UQCC1: variants seen among roughly 807,000 people sequenced by gnomAD.
UQCC1 encodes bFGF-repressed Zic-binding protein.
In UQCC1, 38 loss-of-function variants were observed where a neutral mutation model predicts 48.0. The ratio of observed to expected loss-of-function variants is 0.79; its 90% CI spans 0.61 to 1.04. The LOEUF (loss-of-function observed/expected upper bound fraction) is 1.04, where lower values mean the gene tolerates loss of function less well. Among genes scored for constraint, UQCC1 ranks in the 50% least tolerant of loss-of-function variants. The probability of loss-of-function intolerance (pLI) is 0.00; values close to 1 mark genes in which losing one functional copy is unlikely to be tolerated. For missense variants in UQCC1, 368 were observed against 381.8 expected, an observed-to-expected ratio of 0.96 and a Z score of 0.30; for synonymous variants, 111 against 129.2, an observed-to-expected ratio of 0.86 and a Z score of 0.95.
In UQCC1 at chr20:35,325,773, T is replaced by C. The variant is rs570442867; in HGVS notation, c.574-11008A>G. ...CAGTGGGTATTAAAGGGTCAACAGG[T>C]ATGTTCAGACAGAAAGAATGGTATG... On this transcript the variant is annotated intron_variant, in intron 7 of 9. Coordinates refer to ENST00000374385, the MANE Select transcript of UQCC1 (RefSeq NM_018244.5). Among the ~76,000 whole-genome samples the C allele has an allele frequency of 8.6e-5, 13 of 151,730 alleles. No individual in the cohort carries two copies. The East Asian group carries it at 2.3e-3, about 27-fold the overall frequency.
chr20:35,337,762 C>T (rs1193502298), intron 7 of UQCC1, among the ~76,000 whole-genome samples: 1 of 152,184 alleles, frequency 6.6e-6, no homozygotes, highest in East Asian at 1.9e-4. Flanking sequence ...AACTTCTGAA[C>T]TCAGCAGATT....
At chr20:35,310,415 T>G (rs1208081177) in intron 8 of UQCC1, among the ~76,000 whole-genome samples, 1 of 151,822 alleles carries the variant, frequency 6.6e-6, no homozygotes, top group South Asian at 2.1e-4. Context: ...GAGGCCGAGG[T>G]GGGTGGATCA....
At chr20:35,363,730 AT>A (rs2061634478) in intron 6 of UQCC1, among the ~76,000 whole-genome samples, 1 of 152,068 alleles carries the variant, frequency 6.6e-6, no homozygotes, top group South Asian at 2.1e-4. Flanking sequence ...AGGAGGCATT[AT>A]TTCTACTTTT....
At chr20:35,360,206 G>A (rs1337583318) in intron 6 of UQCC1, among the ~76,000 whole-genome samples, 1 of 152,206 alleles carries the variant, frequency 6.6e-6, no homozygotes, top group Non-Finnish European at 1.5e-5. Flanking sequence ...CTGGCTGGGG[G>A]AGGGCAAAAG....
chr20:35,324,309 A>G (rs1009657835), intron 7 of UQCC1, among the ~76,000 whole-genome samples: 6 of 152,060 alleles, frequency 3.9e-5, no homozygotes, highest in African/African-American at 1.4e-4. Flanking sequence ...GGCACGCACC[A>G]CCACACCCAG....
rs1422969514 is a variant in UQCC1 at position 35,398,345 on chromosome 20, T to C, written c.25-4149A>G. ...TCAAAAATAAAGACAAAATCCCCAC[T>C]TCTCAGGATTTTCTTTAAAATTAAC... On this transcript the variant is annotated intron_variant, in intron 1 of 9. Transcript: ENST00000374385. Among the ~76,000 whole-genome samples, 4 of 152,198 alleles carry C rather than the reference T, an allele frequency of 2.6e-5. No homozygotes were observed. In the East Asian group the frequency reaches 5.8e-4, roughly 22 times the overall value.
intron 2 of UQCC1, chr20:35,386,394 C>T (rs1224793416): frequency 2.7e-5 from 12 of 436,778 alleles, no homozygotes; most frequent in Middle Eastern, 3.7e-4. Flanking sequence ...TTAACCCTAA[C>T]GAAGAAAAAA....
intron 1 of UQCC1, among the ~76,000 whole-genome samples, chr20:35,396,075 C>T (rs563052386): frequency 1.3e-5 from 2 of 149,908 alleles, no homozygotes; most frequent in African/African-American, 2.5e-5. Context: ...ATTTCCACCT[C>T]CTGGGTTCAA....
At chr20:35,399,921 A>T (rs1427713336) in intron 1 of UQCC1, among the ~76,000 whole-genome samples, 1 of 140,016 alleles carries the variant, frequency 7.1e-6, no homozygotes, top group Admixed American at 7.1e-5. Context: ...GGCTCTACTC[A>T]GTCCTTTTTT....
intron 7 of UQCC1, among the ~76,000 whole-genome samples, chr20:35,324,534 G>T (rs1183934011): frequency 6.6e-6 from 1 of 152,140 alleles, no homozygotes; most frequent in Non-Finnish European, 1.5e-5. Flanking sequence ...CACCGTGTTA[G>T]CCAGGATGGT....
chr20:35,339,970 T>C (rs2061359712), intron 7 of UQCC1, among the ~76,000 whole-genome samples: 2 of 152,134 alleles, frequency 1.3e-5, no homozygotes, highest in South Asian at 4.1e-4. Flanking sequence ...TACTTCAATA[T>C]GTATCTGCTA....
intron 6 of UQCC1, among the ~76,000 whole-genome samples, chr20:35,360,837 T>G (rs1343768141): frequency 6.6e-6 from 1 of 152,134 alleles, no homozygotes; most frequent in African/African-American, 2.4e-5. Flanking sequence ...TTTGCTGTGC[T>G]CATATGACAT....
rs142686532 is a variant in UQCC1, at chr20:35,308,741, G to A, written c.652-1962C>T. ...TTGTTTTGTTTTGTTTTGAGATGAA[G>A]TCTCACTCTGTCACCCAGGCTGAAG... is the stretch of plus-strand genomic sequence containing the variant. On this transcript the variant is annotated intron_variant, in intron 8 of 9. Coordinates refer to ENST00000374385, the MANE Select transcript of UQCC1 (RefSeq NM_018244.5). 6.1e-3 allele frequency among the ~76,000 whole-genome samples: 930 copies of A among 152,218 alleles called. 5 individuals carry two copies. The highest frequency in any genetic ancestry group is 0.027 in the Middle Eastern group (8 of 294).
chr20:35,347,033 G>C (rs1386075111), intron 7 of UQCC1, 131 bp downstream of exon 7: 1 of 1,596,574 alleles, frequency 6.3e-7, no homozygotes, highest in Non-Finnish European at 8.5e-7. Context: ...GACTTTAGCG[G>C]AACTGCCACT....
chr20:35,404,213 C>T (rs1256612314), intron 1 of UQCC1, among the ~76,000 whole-genome samples: 1 of 151,936 alleles, frequency 6.6e-6, no homozygotes, highest in Non-Finnish European at 1.5e-5. Context: ...ACTAAAAATA[C>T]AAAAAATTAG....
chr20:35,353,790 TA>T (rs879391502), intron 6 of UQCC1, among the ~76,000 whole-genome samples: 162 of 143,456 alleles, frequency 1.1e-3, no homozygotes, highest in East Asian at 3.6e-3. Flanking sequence ...AGACCCTGTC[TA>T]AAAAAAAAAA....
intron 7 of UQCC1, among the ~76,000 whole-genome samples, chr20:35,326,224 C>T (rs17092560): frequency 0.025 from 3,839 of 152,092 alleles, 166 homozygotes; most frequent in African/African-American, 0.086. Flanking sequence ...GCCAGAGCAA[C>T]GGGATTTGAT....
At chr20:35,363,229 A>T (rs2061628070) in intron 6 of UQCC1, among the ~76,000 whole-genome samples, 1 of 152,166 alleles carries the variant, frequency 6.6e-6, no homozygotes, top group South Asian at 2.1e-4. Context: ...GGGTGAGAGA[A>T]GAGACAAATG....
At chr20:35,317,412 A>G (rs961845007) in intron 7 of UQCC1, among the ~76,000 whole-genome samples, 1 of 152,266 alleles carries the variant, frequency 6.6e-6, no homozygotes, top group Admixed American at 6.5e-5. Flanking sequence ...ACCAGTTCCA[A>G]TGCTTTACAG....
Sources: allele counts gnomAD v4.1 joint callset (sites outside exome capture counted in the v4.1 genomes callset), GRCh38; gene constraint gnomAD v4.1.1; transcripts MANE v1.5; gene names NCBI Gene and HGNC (gene_info 2026-07-23, HGNC 2026-07-21).